MACF1: variants seen among roughly 807,000 people sequenced by gnomAD.
MACF1 encodes the protein microtubule actin crosslinking factor 1.
Under a neutral mutation model 854.8 loss-of-function variants are expected in MACF1, and 193 were observed. That is an observed-to-expected ratio of 0.23 (90% CI 0.20 to 0.25). The LOEUF (loss-of-function observed/expected upper bound fraction) is 0.25, where lower values mean the gene tolerates loss of function less well. Among genes scored for constraint, MACF1 ranks in the 10% least tolerant of loss-of-function variants. MACF1 has a pLI of 1.00. For missense variants in MACF1, 7,722 were observed against 8,929.1 expected (o/e 0.86, Z 5.45); for synonymous variants, 3,185 against 3,226.7 (o/e 0.99, Z 0.44).
chr1:39,101,973 G>T (rs773322674), intron 2 of MACF1, among the ~76,000 whole-genome samples: 1 of 151,480 alleles, frequency 6.6e-6, no homozygotes, highest in Non-Finnish European at 1.5e-5. Context: ...TCAGGAGATC[G>T]AGACCATCCT....
At chr1:39,456,360 C>T (rs757723517) in intron 89 of MACF1, among the ~76,000 whole-genome samples, 2 of 152,096 alleles carry the variant, frequency 1.3e-5, no homozygotes, top group African/African-American at 2.4e-5. Flanking sequence ...GAGTGCCCAT[C>T]CAACCATTCT....
At chr1:39,389,517 G>A (rs570142088) in intron 58 of MACF1, among the ~76,000 whole-genome samples, 3 of 151,582 alleles carry the variant, frequency 2.0e-5, no homozygotes, top group African/African-American at 7.3e-5. Context: ...TCACCACCAC[G>A]CCTGGTTAAT....
At chr1:39,295,345 A>G (rs1351570908) in intron 19 of MACF1, among the ~76,000 whole-genome samples, 195 bp downstream of exon 19, 4 of 152,218 alleles carry the variant, frequency 2.6e-5, no homozygotes, top group African/African-American at 9.6e-5. Context: ...TAGTCTAAGG[A>G]AACTACTAAG....
Position 39,434,480 on chromosome 1 carries a change from C to T in MACF1, c.17632C>T (p.Arg5878Cys), listed in dbSNP as rs770569347. Residue 5878 changes from arginine (R) to cysteine (C), a missense_variant, in exon 69 of 101, where the codon CGC (arginine) becomes TGC (cysteine). Arg to Cys is a radical substitution (Grantham distance 180). Transcript: ENST00000564288. ...CCTACTCAATTCAGAGCGTTATGCCCGCCTAGAGCGGGCCCAGGTCTTAGT... is the reference window on the plus strand; with the variant it reads ...CCTACTCAATTCAGAGCGTTATGCCTGCCTAGAGCGGGCCCAGGTCTTAGT... ...ISLLNSERYA[R>C]LERAQVLVNQ... 33 of 1,613,452 alleles carry T rather than the reference C, an allele frequency of 2.0e-5. No homozygotes were observed. Among genetic ancestry groups the T allele is most frequent in the Middle Eastern group, 1.6e-4 (1 of 6,084 alleles).
chr1:39,095,332 G>A (rs1434916475), intron 2 of MACF1, among the ~76,000 whole-genome samples: 2 of 152,116 alleles, frequency 1.3e-5, no homozygotes, highest in East Asian at 1.9e-4. Flanking sequence ...GGAGGCCGAG[G>A]CGGGCGGATC....
chr1:39,253,261 A>G (rs1345303030), intron 4 of MACF1, among the ~76,000 whole-genome samples: 2 of 152,122 alleles, frequency 1.3e-5, no homozygotes, highest in Non-Finnish European at 2.9e-5. Flanking sequence ...AGTGGGTTGT[A>G]TGACATCTGG....
At chr1:39,435,223 A>G (rs1304337964) in intron 69 of MACF1, among the ~76,000 whole-genome samples, 1 of 152,222 alleles carries the variant, frequency 6.6e-6, no homozygotes, top group Non-Finnish European at 1.5e-5. Flanking sequence ...CATGTAGAGT[A>G]AAATAGAGTA....
At chr1:39,302,897 C>T in intron 22 of MACF1, 27 bp from the exon 23 acceptor site, 1 of 1,599,692 alleles carries the variant, frequency 6.3e-7, no homozygotes, top group South Asian at 1.1e-5. Flanking sequence ...TATCCATTAG[C>T]AATCACTGGT....
intron 2 of MACF1, among the ~76,000 whole-genome samples, chr1:39,187,530 A>G (rs1047659801): frequency 6.6e-6 from 1 of 152,084 alleles, no homozygotes; most frequent in Non-Finnish European, 1.5e-5. Context: ...CTGATGTCGT[A>G]TTTCATGATG....
intron 2 of MACF1, among the ~76,000 whole-genome samples, chr1:39,150,252 C>T (rs1423800108): frequency 6.6e-6 from 1 of 152,162 alleles, no homozygotes; most frequent in Non-Finnish European, 1.5e-5. Flanking sequence ...TTCCTGAGCT[C>T]AAGCGATTCG....
At chr1:39,177,594 T>C (rs1010054841) in intron 2 of MACF1, among the ~76,000 whole-genome samples, 2 of 152,080 alleles carry the variant, frequency 1.3e-5, no homozygotes, top group Non-Finnish European at 2.9e-5. Context: ...GAGAGAGGGA[T>C]GATGGTGGGG....
intron 26 of MACF1, 113 bp downstream of exon 26, chr1:39,311,113 T>C: frequency 8.7e-7 from 1 of 1,145,942 alleles, no homozygotes; most frequent in Non-Finnish European, 1.2e-6. Context: ...AGACAGTCCT[T>C]CTCAGGAGTT....
Position 39,118,411 on chromosome 1 carries a change from T to C in MACF1, c.220+33973T>C, listed in dbSNP as rs1401389920. On this transcript the variant is annotated intron_variant, in intron 2 of 93. Coordinates refer to the MACF1 transcript ENST00000361689. ...TAGGTGGGGTACTTTGAGGTCCTCA[T>C]ACCTTTCAGAGGACTGGATCCTTGT... Among the ~76,000 whole-genome samples, 4 of 152,260 alleles carry C rather than the reference T, an allele frequency of 2.6e-5. No homozygotes were observed. The East Asian group carries it at 7.7e-4, about 29-fold the overall frequency.
At chr1:39,421,112 G>A (rs544062151) in intron 58 of MACF1, among the ~76,000 whole-genome samples, 6 of 152,060 alleles carry the variant, frequency 3.9e-5, no homozygotes, top group South Asian at 2.1e-4. Context: ...TGATTTGCCC[G>A]CCTCGGCCTC....
rs754832938 is a variant in MACF1 at position 39,332,236 on chromosome 1, G to A, written c.5648G>A (p.Arg1883Gln). 1.3e-5 allele frequency: 21 copies of A among 1,613,820 alleles called. No homozygotes were observed. Among genetic ancestry groups the A allele is most frequent in the Non-Finnish European group, 1.6e-5 (19 of 1,180,024 alleles). Residue 1883 changes from arginine (R) to glutamine (Q), a missense_variant, in exon 37 of 101, where the codon CGA becomes CAA. Arg to Gln is a conservative substitution (Grantham distance 43, BLOSUM62 1). This residue lies in a region of MACF1 where 1,531 missense variants were observed against 1,601.6 expected (regional missense o/e 0.96). Coordinates refer to ENST00000564288, the MANE Select transcript of MACF1 (RefSeq NM_001394062.1). ...TELAHKILSN[R>Q]QHIKALFLPA... ...CTAGCACATAAAATCCTTAGTAACC[G>A]ACAGCATATTAAGGCTCTGTTTCTA... is the stretch of plus-strand genomic sequence containing the variant.
intron 1 of MACF1, among the ~76,000 whole-genome samples, chr1:39,223,515 A>ATT (rs767574940): frequency 2.1e-5 from 3 of 145,084 alleles, no homozygotes; most frequent in East Asian, 2.0e-4. Context: ...ATGCTATTTA[A>ATT]TTTTTTTTTT....
chr1:39,383,275 G>A lies in MACF1; in HGVS notation c.13848+1123G>A, dbSNP rs185593714. Among the ~76,000 whole-genome samples the A allele has an allele frequency of 2.4e-4, 36 of 152,158 alleles. 1 individual carries two copies. The highest frequency in any genetic ancestry group is 8.7e-4 in the African/African-American group (36 of 41,510). On this transcript the variant is annotated intron_variant, in intron 56 of 100. Transcript: ENST00000564288. ...TAAGACCTAAGAGTACTTTTTGAAG[G>A]AACTGCTTCTTTTAGTTCCTGCATC... is the stretch of plus-strand genomic sequence containing the variant.
chr1:39,087,137 G>GGAGACCCTGGATGCTCTGAAGC, intron 2 of MACF1, among the ~76,000 whole-genome samples: 1 of 152,208 alleles, frequency 6.6e-6, no homozygotes, highest in Non-Finnish European at 1.5e-5. Flanking sequence ...GGCATGTCTG[G>GGAGACCCTGGATGCTCTGAAGC]GAGACCCTGG....
intron 20 of MACF1, among the ~76,000 whole-genome samples, 193 bp from the exon 21 acceptor site, chr1:39,297,427 A>G (rs912230786): frequency 6.6e-6 from 1 of 152,164 alleles, no homozygotes; most frequent in Non-Finnish European, 1.5e-5. Flanking sequence ...GGTAGTCAGC[A>G]CTAATATTTT....
Sources: allele counts gnomAD v4.1 joint callset (sites outside exome capture counted in the v4.1 genomes callset), GRCh38; gene constraint gnomAD v4.1.1; regional missense constraint gnomAD v4.1.1; transcripts MANE v1.5; gene names NCBI Gene and HGNC (gene_info 2026-07-23, HGNC 2026-07-21).